Variants in KCNK9 observed in about 807,000 individuals in gnomAD.
KCNK9 encodes the protein potassium channel subfamily K member 9.
KCNK9 carries 1 observed loss-of-function variant against 10.8 expected under a neutral mutation model. The ratio of observed to expected loss-of-function variants is 0.09; its 90% CI spans 0.03 to 0.44. The LOEUF is 0.44. KCNK9 is among the 20% of genes least tolerant of loss of function. The pLI, the probability that KCNK9 is intolerant of heterozygous loss-of-function variation, is 0.97. For synonymous variants in KCNK9, 231 were observed against 222.7 expected (o/e 1.04, Z -0.33); for missense variants, 303 against 515.0 (o/e 0.59, Z 3.98).
At chr8:139,695,404 A>T (rs909772871) in intron 1 of KCNK9, among the ~76,000 whole-genome samples, 1 of 152,198 alleles carries the variant, frequency 6.6e-6, no homozygotes, top group Non-Finnish European at 1.5e-5. Context: ...GGAGAAACTC[A>T]GGAGCCCAGG....
rs569197499 is a variant in KCNK9, at chr8:139,658,302, TG to T, written c.284-39204del. Among the ~76,000 whole-genome samples, 455 of 152,204 alleles carry T rather than the reference TG, an allele frequency of 3.0e-3. 2 individuals are homozygous for T. The highest frequency in any genetic ancestry group is 8.2e-3 in the African/African-American group (341 of 41,532). On this transcript the variant is annotated intron_variant, in intron 1 of 1. Transcript: ENST00000520439. ...ACCACCTAGTGGATGCTGTAAGTCA[TG>T]GGGGGACAACCACTGCTGGAAAAGC...
Position 139,618,441 on chromosome 8 carries a change from CG to C in KCNK9, c.941del (p.Pro314ArgfsTer29). On this transcript the variant is annotated frameshift_variant, in exon 2 of 2. Transcript: ENST00000520439. LOFTEE classifies it low-confidence loss of function (END_TRUNC). The surrounding 1 kb of genome is among the most constrained non-coding windows in gnomAD (Gnocchi z 7.9). Reference sequence around the variant, plus strand: ...CAAGCTTGGCGCTGAAGGAGTTCTGCGGTGCCACCGAGCGGCCGCCATAGTC... The same window carrying C: ...CAAGCTTGGCGCTGAAGGAGTTCTGCGTGCCACCGAGCGGCCGCCATAGTC... ...SQDYGGRSVAPQNSFSAKLAP... is the reference protein window; with the variant it reads ...SQDYGGRSVAXQNSFSAKLAP... 1 of 1,614,072 alleles carries C rather than the reference CG, an allele frequency of 6.2e-7. No individual in the cohort carries two copies. The highest frequency in any genetic ancestry group is 8.5e-7 in the Non-Finnish European group (1 of 1,180,024).
chr8:139,659,872 T>C (rs1212353045), intron 1 of KCNK9, among the ~76,000 whole-genome samples: 3 of 151,976 alleles, frequency 2.0e-5, no homozygotes, highest in African/African-American at 4.8e-5. Flanking sequence ...GTATACTGCC[T>C]TTTGTGCAAG....
intron 2 of KCNK9, among the ~76,000 whole-genome samples, chr8:139,602,746 C>T (rs1292719158): frequency 6.6e-6 from 1 of 152,224 alleles, no homozygotes; most frequent in African/African-American, 2.4e-5. Context: ...TCTGATACTG[C>T]TCATCGTGCA....
intron 1 of KCNK9, among the ~76,000 whole-genome samples, chr8:139,660,031 C>A (rs1303844497): frequency 6.6e-6 from 1 of 152,036 alleles, no homozygotes; most frequent in Non-Finnish European, 1.5e-5. Flanking sequence ...TCTTAAGGAG[C>A]ACCTTCATAT....
chr8:139,603,615 G>A (rs959466932), intron 2 of KCNK9, among the ~76,000 whole-genome samples: 4 of 152,220 alleles, frequency 2.6e-5, no homozygotes, highest in African/African-American at 9.6e-5. Flanking sequence ...TATACGGCCA[G>A]GACTGTCCAC....
intron 1 of KCNK9, among the ~76,000 whole-genome samples, chr8:139,660,982 T>C (rs1256648490): frequency 6.6e-6 from 1 of 152,148 alleles, no homozygotes; most frequent in African/African-American, 2.4e-5. Context: ...CCTCTGTACA[T>C]CTTTGACAGA....
intron 1 of KCNK9, among the ~76,000 whole-genome samples, chr8:139,625,666 G>A (rs1271822532): frequency 6.6e-6 from 1 of 151,944 alleles, no homozygotes; most frequent in Non-Finnish European, 1.5e-5. Context: ...ATCTGTCCTG[G>A]GAGAGGCTTT....
Position 139,685,268 on chromosome 8 carries a change from TTTTA to T in KCNK9, c.283+17438_283+17441del, listed in dbSNP as rs1184504820. On this transcript the variant is annotated intron_variant, in intron 1 of 1. Transcript: ENST00000520439. ...ACTTGAAACACATTAGCTATTTTATTTTTATTTATTTATTTTTATTTTTTATTAT... is the reference window on the plus strand; with the variant it reads ...ACTTGAAACACATTAGCTATTTTATTTTTATTTATTTTTATTTTTTATTAT... 9.9e-5 allele frequency among the ~76,000 whole-genome samples: 15 copies of T among 152,254 alleles called. No homozygotes were observed. In the East Asian group the frequency reaches 2.9e-3, roughly 29 times the overall value.
intron 1 of KCNK9, among the ~76,000 whole-genome samples, chr8:139,632,571 C>A (rs1815206299): frequency 6.6e-6 from 1 of 152,196 alleles, no homozygotes; most frequent in South Asian, 2.1e-4. Context: ...CAGTGCTGGC[C>A]AGCAGGGTTC....
chr8:139,672,338 G>A (rs1383851617), intron 1 of KCNK9, among the ~76,000 whole-genome samples: 2 of 152,152 alleles, frequency 1.3e-5, no homozygotes, highest in African/African-American at 4.8e-5. Flanking sequence ...ACACTTCGTG[G>A]TGGCAGGCTA....
At chr8:139,613,046 A>G (rs1302622679), downstream of KCNK9, among the ~76,000 whole-genome samples, 2 of 152,248 alleles carry the variant, frequency 1.3e-5, no homozygotes, top group African/African-American at 4.8e-5. Flanking sequence ...GGATTTACAT[A>G]CAGTCTGTAT....
chr8:139,635,764 C>G (rs968215715), intron 1 of KCNK9, among the ~76,000 whole-genome samples: 2 of 152,218 alleles, frequency 1.3e-5, no homozygotes, highest in East Asian at 3.9e-4. Flanking sequence ...CACAACCCCC[C>G]CACTCAGGAG....
At chr8:139,682,842 C>T (rs1816720160) in intron 1 of KCNK9, among the ~76,000 whole-genome samples, 1 of 151,994 alleles carries the variant, frequency 6.6e-6, no homozygotes, top group South Asian at 2.1e-4. Context: ...CCCACACCCG[C>T]CCTTTAAAAA....
intron 1 of KCNK9, among the ~76,000 whole-genome samples, chr8:139,619,626 A>G (rs1586634245): frequency 6.6e-6 from 1 of 152,096 alleles, no homozygotes; most frequent in African/African-American, 2.4e-5. Flanking sequence ...TACATACATC[A>G]CCTAATTCTA....
chr8:139,671,180 G>A (rs1349073169), intron 1 of KCNK9, among the ~76,000 whole-genome samples: 1 of 152,226 alleles, frequency 6.6e-6, no homozygotes, highest in African/African-American at 2.4e-5. Context: ...AAGCTCATGT[G>A]CAGAGGAGGC....
intron 1 of KCNK9, among the ~76,000 whole-genome samples, chr8:139,690,869 G>A (rs1816921435): frequency 1.3e-5 from 2 of 152,198 alleles, no homozygotes; most frequent in Non-Finnish European, 2.9e-5. Flanking sequence ...ATGAAAGATG[G>A]TTGTGGATGG....
Position 139,649,168 on chromosome 8 carries a change from T to G in KCNK9, c.284-30069A>C, listed in dbSNP as rs186352096. 7.0e-3 allele frequency among the ~76,000 whole-genome samples: 1,063 copies of G among 152,322 alleles called. 6 individuals are homozygous for G. Among genetic ancestry groups the G allele is most frequent in the Non-Finnish European group, 0.011 (779 of 68,028 alleles). ...TACAGACGGGCCAGAATTGCTCACT[T>G]TCACTGAAGATGGATGGACTCCGGT... is the stretch of plus-strand genomic sequence containing the variant. On this transcript the variant is annotated intron_variant, in intron 1 of 1. Coordinates refer to ENST00000520439, the MANE Select transcript of KCNK9 (RefSeq NM_001282534.2).
intron 1 of KCNK9, among the ~76,000 whole-genome samples, chr8:139,632,355 T>A (rs1344819636): frequency 6.6e-6 from 1 of 152,158 alleles, no homozygotes; most frequent in Admixed American, 6.5e-5. Context: ...GATGACGGAG[T>A]CAGCCCACGC....
Sources: gnomAD v4.1 joint callset for allele counts (sites outside exome capture counted in the v4.1 genomes callset) on GRCh38, gnomAD v4.1.1 for gene constraint, Gnocchi (gnomAD v3.1) non-coding constraint, MANE v1.5 for transcripts, NCBI Gene and HGNC (gene_info 2026-07-23, HGNC 2026-07-21) for gene names.